Variants in BCAS3 observed in about 807,000 individuals in gnomAD.
BCAS3 encodes BCAS4/BCAS3 fusion.
Under a neutral mutation model 116.1 loss-of-function variants are expected in BCAS3, and 53 were observed. That is an observed-to-expected ratio of 0.46 (90% confidence interval 0.37 to 0.57). The LOEUF is 0.57. Among genes scored for constraint, BCAS3 ranks in the 20% least tolerant of loss-of-function variants. BCAS3 has a pLI of 0.00. For missense variants in BCAS3, 917 were observed against 1,165.4 expected (o/e 0.79, Z 3.10); for synonymous variants, 391 against 408.2 (o/e 0.96, Z 0.51).
At chr17:60,866,422 C>G (rs2144877565) in intron 7 of BCAS3, among the ~76,000 whole-genome samples, 1 of 152,194 alleles carries the variant, frequency 6.6e-6, no homozygotes, top group East Asian at 1.9e-4. Context: ...AGCCACTGCC[C>G]CCAGCTATTT....
At position 61,313,896 on chromosome 17, in the gene BCAS3, C is replaced by T. The variant is rs970357161; in HGVS notation, c.2426-54431C>T. 1.3e-5 allele frequency among the ~76,000 whole-genome samples: 2 copies of T among 152,200 alleles called. No homozygotes were observed. Among genetic ancestry groups the T allele is most frequent in the African/African-American group, 4.8e-5 (2 of 41,442 alleles). On this transcript the variant is annotated intron_variant, in intron 22 of 23. Transcript: ENST00000407086. This position sits in a 1 kb window ranked among gnomAD's most constrained non-coding sequence, Gnocchi z 4.3. The stretch of plus-strand genomic sequence containing the variant: ...TGGGCCTGCTGTCTCCTCCACCAGC[C>T]CCACTCGCCCGGCCCCATACTTAGT...
intron 20 of BCAS3, among the ~76,000 whole-genome samples, chr17:61,075,768 A>G (rs375101886): frequency 4.6e-5 from 7 of 152,198 alleles, no homozygotes; most frequent in East Asian, 3.8e-4. Context: ...TACTTTCATT[A>G]TTGGAAATAT....
intron 11 of BCAS3, among the ~76,000 whole-genome samples, chr17:60,909,786 G>A (rs763633228): frequency 6.6e-6 from 1 of 152,054 alleles, no homozygotes; most frequent in Non-Finnish European, 1.5e-5. Context: ...AATATTTCAC[G>A]AGTTAGTTTT....
intron 22 of BCAS3, among the ~76,000 whole-genome samples, chr17:61,310,795 C>A (rs1456439487): frequency 6.6e-6 from 1 of 152,008 alleles, no homozygotes; most frequent in Non-Finnish European, 1.5e-5. Flanking sequence ...GTGATAAAAA[C>A]CGTGATAGAA....
chr17:60,976,108 C>G (rs995381961), intron 14 of BCAS3, among the ~76,000 whole-genome samples: 2 of 142,296 alleles, frequency 1.4e-5, no homozygotes, highest in African/African-American at 2.7e-5. Context: ...AGTGCAAGCT[C>G]TGCCTCCCGG....
chr17:61,192,399 G>T (rs1407712096), intron 22 of BCAS3, among the ~76,000 whole-genome samples: 1 of 152,086 alleles, frequency 6.6e-6, no homozygotes, highest in Non-Finnish European at 1.5e-5. Flanking sequence ...TATAACTTGA[G>T]TGTTGAGCAG....
intron 12 of BCAS3, among the ~76,000 whole-genome samples, chr17:60,921,137 T>C (rs927419458): frequency 6.6e-6 from 1 of 151,982 alleles, no homozygotes; most frequent in East Asian, 1.9e-4. Context: ...CTATTAACAA[T>C]AGCAAAGACA....
In BCAS3 at chr17:61,026,832, AT is replaced by A; in HGVS notation, c.1638-7828del. The A allele has an allele frequency of 1.9e-6, 3 of 1,573,748 alleles. No individual in the cohort carries two copies. The highest frequency in any genetic ancestry group is 1.2e-5 in the South Asian group (1 of 85,746). On this transcript the variant is annotated intron_variant, in intron 16 of 23. Coordinates refer to ENST00000407086, the MANE Select transcript of BCAS3 (RefSeq NM_017679.5). The surrounding 1 kb of genome is among the most constrained non-coding windows in gnomAD (Gnocchi z 5.0). ...CTAATGTTAAATGAGTTTTTCTCTA[AT>A]TTTTTGTGCATTTTTCCCCCTTTTC...
chr17:61,036,982 CT>C (rs1316828754), intron 17 of BCAS3, among the ~76,000 whole-genome samples: 1 of 152,126 alleles, frequency 6.6e-6, no homozygotes, highest in African/African-American at 2.4e-5. Context: ...CCATATATAC[CT>C]TCTGTCTCCA....
chr17:61,026,760 A>G lies in BCAS3; in HGVS notation c.1638-7906A>G. On this transcript the variant is annotated intron_variant, in intron 16 of 23. Transcript: ENST00000407086. This position sits in a 1 kb window ranked among gnomAD's most constrained non-coding sequence, Gnocchi z 5.0. ...AATTGTAAATGATTACTAATTTTTT[A>G]GTTATTTTTATCCATACTCTATAAC... The G allele has an allele frequency of 3.9e-6, 4 of 1,026,748 alleles. No individual in the cohort carries two copies. The highest frequency in any genetic ancestry group is 5.9e-6 in the Non-Finnish European group (4 of 680,922). The allele number at this position is 1,026,748 out of a possible 1,614,324, so 63.6% of individuals were successfully genotyped here.
rs760956911 is a variant in BCAS3 at position 61,347,790 on chromosome 17, G to A, written c.2426-20537G>A. 3.3e-5 allele frequency among the ~76,000 whole-genome samples: 5 copies of A among 152,120 alleles called. No individual in the cohort carries two copies. Among genetic ancestry groups the A allele is most frequent in the East Asian group, 3.9e-4 (2 of 5,182 alleles). Reference sequence around the variant, plus strand: ...CAGAAGGGGAGTGGTAGACTTTTCCGGCTGACCTAAGTCCTCAAAGATGAA... The same window carrying A: ...CAGAAGGGGAGTGGTAGACTTTTCCAGCTGACCTAAGTCCTCAAAGATGAA... On this transcript the variant is annotated intron_variant, in intron 22 of 23. Transcript: ENST00000407086. The surrounding 1 kb of genome is among the most constrained non-coding windows in gnomAD (Gnocchi z 4.3).
rs1275540225 is a variant in BCAS3, at chr17:61,132,334, CA to C, written c.2425+47774del. On this transcript the variant is annotated intron_variant, in intron 22 of 23. Transcript: ENST00000407086. This position sits in a 1 kb window ranked among gnomAD's most constrained non-coding sequence, Gnocchi z 5.1. ...AAGTCCGTAACTGAAGGCACCATTC[CA>C]AAACTACTTGAGTATAGGTGAGAAC... Among the ~76,000 whole-genome samples the C allele has an allele frequency of 1.7e-4, 26 of 152,248 alleles. No individual in the cohort carries two copies. The highest frequency in any genetic ancestry group is 1.7e-3 in the Admixed American group (26 of 15,292).
intron 22 of BCAS3, among the ~76,000 whole-genome samples, chr17:61,114,912 A>G (rs2075328160): frequency 6.6e-6 from 1 of 152,128 alleles, no homozygotes; most frequent in Non-Finnish European, 1.5e-5. Context: ...ATGGAACAGA[A>G]CAGAGCCCTC....
chr17:61,288,432 A>T (rs535560654), intron 22 of BCAS3, among the ~76,000 whole-genome samples: 1 of 152,178 alleles, frequency 6.6e-6, no homozygotes, highest in Non-Finnish European at 1.5e-5. Flanking sequence ...TATCAAGTAC[A>T]AGGGCTTTGT....
chr17:60,757,508 A>G (rs2043125313), intron 6 of BCAS3, among the ~76,000 whole-genome samples: 1 of 149,400 alleles, frequency 6.7e-6, no homozygotes, highest in Admixed American at 6.7e-5. Flanking sequence ...TTGTATTTCC[A>G]TGATGCTTAG....
At chr17:60,966,031 A>G (rs1241336619) in intron 14 of BCAS3, among the ~76,000 whole-genome samples, 1 of 152,198 alleles carries the variant, frequency 6.6e-6, no homozygotes, top group Non-Finnish European at 1.5e-5. Context: ...TTGAATATTT[A>G]TAATTGTTAC....
intron 22 of BCAS3, among the ~76,000 whole-genome samples, chr17:61,209,237 T>C (rs2081320961): frequency 6.6e-6 from 1 of 151,920 alleles, no homozygotes; most frequent in Non-Finnish European, 1.5e-5. Context: ...TTGCTTACAG[T>C]GGACTGTGGA....
rs2143837682 is a variant in BCAS3, at chr17:61,126,263, A to C, written c.2425+41699A>C. On this transcript the variant is annotated intron_variant, in intron 22 of 23. Coordinates refer to ENST00000407086, the MANE Select transcript of BCAS3 (RefSeq NM_017679.5). The surrounding 1 kb of genome is among the most constrained non-coding windows in gnomAD (Gnocchi z 4.6). ...GCGTTGTGGCATGTGGGTACATCAG[A>C]AGTATATTTGCAAATTCTGAATTTA... Among the ~76,000 whole-genome samples the C allele has an allele frequency of 6.6e-6, 1 of 152,262 alleles. No homozygotes were observed. The highest frequency in any genetic ancestry group is 2.1e-4 in the South Asian group (1 of 4,832).
rs73326897 is a variant in BCAS3 at position 61,239,360 on chromosome 17, C to T, written c.2426-128967C>T. 0.052 allele frequency among the ~76,000 whole-genome samples: 7,966 copies of T among 152,242 alleles called. 274 individuals carry two copies. Among genetic ancestry groups the T allele is most frequent in the African/African-American group, 0.082 (3,406 of 41,518 alleles). ...AGCCTGAGTTTGAAATAATGATTAG[C>T]TCTACAGATTTTCAGCTTTTTGTTT... On this transcript the variant is annotated intron_variant, in intron 22 of 23. Transcript: ENST00000407086. This position sits in a 1 kb window ranked among gnomAD's most constrained non-coding sequence, Gnocchi z 4.2.
Sources: allele counts gnomAD v4.1 joint callset (sites outside exome capture counted in the v4.1 genomes callset), GRCh38; gene constraint gnomAD v4.1.1; non-coding constraint Gnocchi (gnomAD v3.1); transcripts MANE v1.5; gene names NCBI Gene and HGNC (gene_info 2026-07-23, HGNC 2026-07-21).